PDXDC1: variants seen among roughly 807,000 people sequenced by gnomAD.
The protein encoded by PDXDC1 is pyridoxal-dependent decarboxylase domain-containing protein 1.
A neutral mutation model predicts 100.1 loss-of-function variants in PDXDC1; 42 were observed. The observed-to-expected ratio is 0.42, with a 90% CI of 0.33 to 0.54. The LOEUF is 0.54. Ranked by LOEUF, PDXDC1 falls within the 20% of genes least tolerant of loss-of-function variation. The probability of loss-of-function intolerance (pLI) is 0.10; values close to 1 mark genes in which losing one functional copy is unlikely to be tolerated. For missense variants in PDXDC1, 636 were observed against 979.2 expected, an observed-to-expected ratio of 0.65 and a Z score of 4.68; for synonymous variants, 260 against 371.7, an observed-to-expected ratio of 0.70 and a Z score of 3.46.
At chr16:14,984,500 T>TA (rs1968862777) in intron 1 of PDXDC1, among the ~76,000 whole-genome samples, 1 of 137,322 alleles carries the variant, frequency 7.3e-6, no homozygotes, top group Non-Finnish European at 1.5e-5. Flanking sequence ...TATATATTTT[T>TA]TTTTTTTTTT....
intron 1 of PDXDC1, among the ~76,000 whole-genome samples, chr16:14,976,348 T>C (rs1417590171): frequency 1.3e-5 from 2 of 152,290 alleles, no homozygotes; most frequent in Admixed American, 6.5e-5. Flanking sequence ...CAGCAGCTGC[T>C]GTAGATTTTG....
downstream of PDXDC1, among the ~76,000 whole-genome samples, chr16:15,042,756 G>C (rs577514889): frequency 1.2e-5 from 1 of 81,008 alleles, no homozygotes; most frequent in Admixed American, 1.6e-4. Flanking sequence ...TTATTGAGAC[G>C]AAGTCTCGCT....
intron 16 of PDXDC1, among the ~76,000 whole-genome samples, chr16:15,095,532 G>A (rs750066741): frequency 1.3e-5 from 2 of 152,060 alleles, no homozygotes; most frequent in African/African-American, 4.8e-5. Flanking sequence ...ACCCTGTCTC[G>A]AAATAAATAA....
At position 15,133,867 on chromosome 16, in the gene PDXDC1, C is replaced by G. The variant is rs1248415530; in HGVS notation, c.1400-5012C>G. On this transcript the variant is annotated intron_variant, in intron 16 of 16. Transcript: ENST00000535621. ...AGTGGGAAGAGGCGGCAAGAGCCCC[C>G]CAGCGGCGGGCGGTTGGGGGACAGG... 3.2e-6 allele frequency: 5 copies of G among 1,556,290 alleles called. No homozygotes were observed. In the East Asian group the frequency reaches 7.0e-5, roughly 22 times the overall value.
chr16:14,988,533 G>C (rs1429812110), intron 1 of PDXDC1: 1 of 1,613,646 alleles, frequency 6.2e-7, no homozygotes, highest in Non-Finnish European at 8.5e-7. Flanking sequence ...CACCATGACC[G>C]AGAAGGTGTG....
chr16:14,984,664 T>C (rs1166702743), intron 1 of PDXDC1, among the ~76,000 whole-genome samples: 1 of 151,198 alleles, frequency 6.6e-6, no homozygotes, highest in Non-Finnish European at 1.5e-5. Flanking sequence ...CCCAGGTAAT[T>C]TTTTGTATCT....
chr16:15,011,542 A>T (rs765644145), intron 8 of PDXDC1, among the ~76,000 whole-genome samples: 1 of 152,292 alleles, frequency 6.6e-6, no homozygotes, highest in Non-Finnish European at 1.5e-5. Context: ...CTTTATCAAA[A>T]ATTAAAAGCA....
intron 11 of PDXDC1, 102 bp downstream of exon 11, chr16:15,017,524 A>G (rs898958412): frequency 1.3e-6 from 1 of 769,416 alleles, no homozygotes; most frequent in South Asian, 1.7e-5. Context: ...AAAAATACCC[A>G]TAATTTCACT....
intron 16 of PDXDC1, among the ~76,000 whole-genome samples, chr16:15,101,843 T>C (rs2046560535): frequency 6.6e-6 from 1 of 151,156 alleles, no homozygotes; most frequent in South Asian, 2.1e-4. Context: ...GGCGAGTTAA[T>C]TTTTTGTGTG....
intron 16 of PDXDC1, among the ~76,000 whole-genome samples, chr16:15,090,874 T>C (rs1253269035): frequency 2.8e-5 from 1 of 35,654 alleles, no homozygotes; most frequent in Non-Finnish European, 1.0e-4. Context: ...CAGTGGTTTG[T>C]TTTTTTTTTT....
downstream of PDXDC1, chr16:15,041,625 G>C: frequency 6.2e-7 from 1 of 1,608,642 alleles, no homozygotes; most frequent in East Asian, 2.2e-5. Flanking sequence ...GGACTTACCT[G>C]TCACACATAA....
chr16:15,067,095 A>C (rs910560338), intron 16 of PDXDC1, among the ~76,000 whole-genome samples: 2 of 147,264 alleles, frequency 1.4e-5, no homozygotes, highest in Non-Finnish European at 3.0e-5. Flanking sequence ...TGGTCTCTTT[A>C]TGCCTTTTCC....
intron 16 of PDXDC1, among the ~76,000 whole-genome samples, chr16:15,091,653 T>C (rs1287797974): frequency 6.6e-6 from 1 of 152,136 alleles, no homozygotes; most frequent in Non-Finnish European, 1.5e-5. Context: ...TCAAAAAGCA[T>C]GAGGGAAAAA....
chr16:15,062,004 G>T, intron 16 of PDXDC1: 1 of 1,193,282 alleles, frequency 8.4e-7, no homozygotes, highest in Non-Finnish European at 1.2e-6. Flanking sequence ...TGTAAAGATG[G>T]TGAAGAAAAT....
chr16:15,080,375 T>G (rs866518714), intron 16 of PDXDC1, among the ~76,000 whole-genome samples: 1 of 152,338 alleles, frequency 6.6e-6, no homozygotes, highest in African/African-American at 2.4e-5. Flanking sequence ...CAACTTAAAG[T>G]ATACAATTTA....
At chr16:15,093,848 G>A (rs954524953) in intron 16 of PDXDC1, 1 of 449,510 alleles carries the variant, frequency 2.2e-6, no homozygotes, top group African/African-American at 2.1e-5. Flanking sequence ...ACGAAGAAGA[G>A]GGAAGGAAGA....
intron 16 of PDXDC1, among the ~76,000 whole-genome samples, chr16:15,099,018 C>A (rs1353998966): frequency 6.6e-6 from 1 of 152,208 alleles, no homozygotes; most frequent in African/African-American, 2.4e-5. Flanking sequence ...ATGTACACTT[C>A]CAGCAATATC....
intron 16 of PDXDC1, chr16:15,072,825 A>G: frequency 1.1e-6 from 1 of 940,712 alleles, no homozygotes; most frequent in South Asian, 1.6e-5. Flanking sequence ...TATTAAGCAG[A>G]CTAGCAAGTA....
At chr16:15,122,846 G>C (rs924834112) in intron 16 of PDXDC1, among the ~76,000 whole-genome samples, 2 of 123,204 alleles carry the variant, frequency 1.6e-5, no homozygotes, top group Non-Finnish European at 3.5e-5. Flanking sequence ...GGGAGGGGAA[G>C]GGGAGGGGAA....
Sources: gnomAD v4.1 joint callset for allele counts (sites outside exome capture counted in the v4.1 genomes callset) on GRCh38, gnomAD v4.1.1 for gene constraint, MANE v1.5 for transcripts, NCBI Gene and HGNC (gene_info 2026-07-23, HGNC 2026-07-21) for gene names.